FNDC1: variants seen among roughly 807,000 people sequenced by gnomAD.
The protein encoded by FNDC1 is fibronectin type III domain-containing protein 1.
FNDC1 carries 96 observed loss-of-function variants against 168.0 expected under a neutral mutation model. The ratio of observed to expected loss-of-function variants is 0.57; its 90% CI spans 0.48 to 0.68. The LOEUF (loss-of-function observed/expected upper bound fraction) is 0.68, where lower values mean the gene tolerates loss of function less well. Among genes scored for constraint, FNDC1 ranks in the 30% least tolerant of loss-of-function variants. The pLI is 0.00. For synonymous variants in FNDC1, 1,099 were observed against 1,025.9 expected, an observed-to-expected ratio of 1.07 and a Z score of -1.36; for missense variants, 2,587 against 2,482.1, an observed-to-expected ratio of 1.04 and a Z score of -0.90.
At position 159,232,447 on chromosome 6, in the gene FNDC1, G is replaced by C. The variant is rs765828221; in HGVS notation, c.1935G>C (p.Val645=). 6.2e-7 allele frequency: 1 copy of C among 1,611,922 alleles called. No individual in the cohort carries two copies. The highest frequency in any genetic ancestry group is 1.1e-5 in the South Asian group (1 of 90,910). ...LPASLNDNDL[V]DSDEDERAVG... is the part of the protein sequence containing the mutation. ...CCAGCTTGAATGACAACGACTTGGT[G>C]GACTCAGACGAAGATGAGCGCGCTG... Residue 645 remains valine (V), a synonymous_variant, in exon 11 of 23, where the codon GTG becomes GTC. Coordinates refer to ENST00000297267, the MANE Select transcript of FNDC1 (RefSeq NM_032532.3). This position sits in a 1 kb window ranked among gnomAD's most constrained non-coding sequence, Gnocchi z 4.9.
At chr6:159,260,655 A>G (rs958606347) in intron 18 of FNDC1, among the ~76,000 whole-genome samples, 5 of 152,216 alleles carry the variant, frequency 3.3e-5, no homozygotes, top group Non-Finnish European at 5.9e-5. Flanking sequence ...AGCCAGGTTC[A>G]TCCTCTCCCT....
chr6:159,260,310 C>G (rs1414829280), intron 18 of FNDC1, among the ~76,000 whole-genome samples: 1 of 152,200 alleles, frequency 6.6e-6, no homozygotes, highest in African/African-American at 2.4e-5. Flanking sequence ...GTCTTTATTA[C>G]TTCTCTAACC....
At chr6:159,267,949 A>AT in intron 22 of FNDC1, 23 bp downstream of exon 22, 2 of 1,597,660 alleles carry the variant, frequency 1.3e-6, no homozygotes, top group Non-Finnish European at 1.7e-6. Context: ...AATGCCTGAT[A>AT]TATTATCCTA....
At chr6:159,253,294 A>G (rs1777305873) in intron 17 of FNDC1, among the ~76,000 whole-genome samples, 1 of 152,108 alleles carries the variant, frequency 6.6e-6, no homozygotes. Flanking sequence ...AAAACACCAG[A>G]CTCCGCAAGG....
rs1226362618 is a variant in FNDC1 at position 159,234,245 on chromosome 6, C to A, written c.3733C>A (p.Pro1245Thr). 2.5e-6 allele frequency: 4 copies of A among 1,591,508 alleles called. No homozygotes were observed. Among genetic ancestry groups the A allele is most frequent in the East Asian group, 2.3e-5 (1 of 43,676 alleles). Residue 1245 changes from proline to threonine, a missense_variant, in exon 11 of 23, where the codon CCC becomes ACC. Coordinates refer to ENST00000297267, the MANE Select transcript of FNDC1 (RefSeq NM_032532.3). ...GSLAPVKRPLPPPPGSSPRAS... is the reference protein window; with the variant it reads ...GSLAPVKRPLTPPPGSSPRAS... The stretch of plus-strand genomic sequence containing the variant: ...CCTGGCTCCTGTGAAGCGACCTCTC[C>A]CCCCACCTCCAGGCAGCTCCCCCAG...
At position 159,238,611 on chromosome 6, in the gene FNDC1, T is replaced by A; in HGVS notation, c.4126T>A (p.Ser1376Thr). ...LNAEGRYLQD[S>T]HGNPLRIKLG... ...TGCAGAAGGAAGGTACCTCCAAGAT[T>A]CACATGGAAATCCTCTTCGGATTAA... is the stretch of plus-strand genomic sequence containing the variant. Residue 1376 changes from serine to threonine, a missense_variant, in exon 13 of 23, where the codon TCA becomes ACA. Coordinates refer to ENST00000297267, the MANE Select transcript of FNDC1 (RefSeq NM_032532.3). 2 of 1,611,752 alleles carry A rather than the reference T, an allele frequency of 1.2e-6. No homozygotes were observed. Among genetic ancestry groups the A allele is most frequent in the Non-Finnish European group, 1.7e-6 (2 of 1,179,120 alleles).
intron 4 of FNDC1, among the ~76,000 whole-genome samples, chr6:159,214,690 G>A (rs538659820): frequency 1.1e-4 from 17 of 152,298 alleles, no homozygotes; most frequent in African/African-American, 3.1e-4. Context: ...GATTTCTGGC[G>A]GGCAGTCTCA....
At chr6:159,198,849 A>C (rs573754516) in intron 2 of FNDC1, among the ~76,000 whole-genome samples, 91 of 152,304 alleles carry the variant, frequency 6.0e-4, no homozygotes, top group Middle Eastern at 6.8e-3. Context: ...ATGATTTTGC[A>C]TTCTGTCTGA....
At chr6:159,197,406 G>A (rs1458129785) in intron 1 of FNDC1, 25 bp from the exon 2 acceptor site, 3 of 1,578,926 alleles carry the variant, frequency 1.9e-6, no homozygotes, top group East Asian at 2.3e-5. Flanking sequence ...ATTGCCATGA[G>A]TTGATAGTTG....
intron 19 of FNDC1, among the ~76,000 whole-genome samples, chr6:159,263,986 T>C (rs1777543754): frequency 6.6e-6 from 1 of 152,122 alleles, no homozygotes; most frequent in Non-Finnish European, 1.5e-5. Context: ...AAAGAACTTT[T>C]TCTAAAGCAG....
At chr6:159,268,898 TC>T (rs1777650064) in intron 22 of FNDC1, among the ~76,000 whole-genome samples, 3 of 152,000 alleles carry the variant, frequency 2.0e-5, no homozygotes, top group African/African-American at 7.2e-5. Context: ...TAACTATCTA[TC>T]CATCCATCTG....
At chr6:159,180,106 G>A (rs1165376089) in intron 1 of FNDC1, among the ~76,000 whole-genome samples, 2 of 152,156 alleles carry the variant, frequency 1.3e-5, no homozygotes, top group African/African-American at 4.8e-5. Context: ...TTATCTTGCA[G>A]CTCCGGAGCT....
At chr6:159,206,622 C>T (rs1782491954) in intron 4 of FNDC1, among the ~76,000 whole-genome samples, 1 of 152,180 alleles carries the variant, frequency 6.6e-6, no homozygotes, top group Non-Finnish European at 1.5e-5. Context: ...AGATTGGGGT[C>T]ACCTCTGTCT....
At chr6:159,198,080 T>C (rs1256484698) in intron 2 of FNDC1, among the ~76,000 whole-genome samples, 1 of 152,220 alleles carries the variant, frequency 6.6e-6, no homozygotes, top group Non-Finnish European at 1.5e-5. Context: ...ATGTAACACT[T>C]TGCCCCATTT....
intron 1 of FNDC1, among the ~76,000 whole-genome samples, chr6:159,188,075 A>G (rs540324614): frequency 1.3e-3 from 194 of 152,312 alleles, no homozygotes; most frequent in Middle Eastern, 3.4e-3. Context: ...GCGGTTTCCA[A>G]TGGAAAGTAA....
intron 14 of FNDC1, among the ~76,000 whole-genome samples, chr6:159,245,303 G>A (rs547468448): frequency 2.4e-4 from 37 of 152,242 alleles, no homozygotes; most frequent in Non-Finnish European, 2.9e-4. Context: ...TATCTCAAGC[G>A]TTTGTTGTGA....
chr6:159,230,384 G>A (rs1783055819), intron 10 of FNDC1, among the ~76,000 whole-genome samples: 1 of 152,134 alleles, frequency 6.6e-6, no homozygotes, highest in Admixed American at 6.5e-5. Context: ...GTTTGCAAAA[G>A]CAGAAAGGAC....
intron 16 of FNDC1, among the ~76,000 whole-genome samples, 164 bp from the exon 17 acceptor site, chr6:159,251,138 G>A (rs570770775): frequency 1.3e-5 from 2 of 152,286 alleles, no homozygotes; most frequent in Non-Finnish European, 2.9e-5. Flanking sequence ...GATCCATCAA[G>A]GAGAGCTGGG....
chr6:159,244,799 G>T (rs1431002235), intron 14 of FNDC1, among the ~76,000 whole-genome samples: 1 of 152,136 alleles, frequency 6.6e-6, no homozygotes, highest in African/African-American at 2.4e-5. Flanking sequence ...TTCTCTTTTT[G>T]CTGTCTTTTA....
Sources: gnomAD v4.1 joint callset for allele counts (sites outside exome capture counted in the v4.1 genomes callset) on GRCh38, gnomAD v4.1.1 for gene constraint, Gnocchi (gnomAD v3.1) non-coding constraint, MANE v1.5 for transcripts, NCBI Gene and HGNC (gene_info 2026-07-23, HGNC 2026-07-21) for gene names.